DCTN2: variants seen among roughly 807,000 people sequenced by gnomAD.
DCTN2 encodes the protein dynactin subunit 2, also known as 50 kDa dynein-associated polypeptide.
DCTN2 carries 18 observed loss-of-function variants against 55.4 expected under a neutral mutation model. That is an observed-to-expected ratio of 0.32 (90% CI 0.22 to 0.48). DCTN2 has a LOEUF of 0.48. Among genes scored for constraint, DCTN2 ranks in the 20% least tolerant of loss-of-function variants. DCTN2 has a pLI of 0.99. For synonymous variants in DCTN2, 168 were observed against 185.2 expected, an observed-to-expected ratio of 0.91 and a Z score of 0.76; for missense variants, 390 against 491.0, an observed-to-expected ratio of 0.79 and a Z score of 1.94.
intron 1 of DCTN2, 23 bp from the exon 2 acceptor site, chr12:57,546,119 C>T (rs1278325907): frequency 4.3e-6 from 7 of 1,611,642 alleles, no homozygotes; most frequent in East Asian, 2.2e-5. Context: ...GCAGTGACCA[C>T]CCAACCTCAC....
rs370892119 is a variant in DCTN2 at position 57,532,028 on chromosome 12, G to C, written c.1106C>G (p.Thr369Ser). The change falls in exon 13 of 14, where the codon ACC becomes AGC. Residue 369 changes from threonine (T) to serine (S), a missense_variant. Physicochemically the swap from Thr to Ser is moderately conservative, Grantham distance 58. Coordinates refer to ENST00000548249, the MANE Select transcript of DCTN2 (RefSeq NM_001261413.2). ...AGGGGCACACACCTGGGTCAAGAGGGTGGTATTGTCCTTCAAGGAATTAGC... is the reference window on the plus strand; with the variant it reads ...AGGGGCACACACCTGGGTCAAGAGGCTGGTATTGTCCTTCAAGGAATTAGC... ...MIANSLKDNT[T>S]LLTQVQTTMR... is the part of the protein sequence containing the mutation. 1 of 1,562,552 alleles carries C rather than the reference G, an allele frequency of 6.4e-7. No individual in the cohort carries two copies. Among genetic ancestry groups the C allele is most frequent in the African/African-American group, 1.4e-5 (1 of 73,694 alleles).
At chr12:57,541,079 T>C (rs961446280) in intron 2 of DCTN2, among the ~76,000 whole-genome samples, 1 of 152,222 alleles carries the variant, frequency 6.6e-6, no homozygotes, top group Non-Finnish European at 1.5e-5. Context: ...AAATGCCTCA[T>C]GTTCAAAAAC....
Position 57,530,716 on chromosome 12 carries a change from A to C in DCTN2, c.1179T>G (p.Asp393Glu), listed in dbSNP as rs1309259852. The change falls in exon 14 of 14, where the codon GAT becomes GAG. Residue 393 changes from aspartate (D) to glutamate (E), a missense_variant. By Grantham distance (45) the Asp-to-Glu change is conservative. This residue lies in a region of DCTN2 where 273 missense variants were observed against 303.2 expected (regional missense o/e 0.90). Coordinates refer to ENST00000548249, the MANE Select transcript of DCTN2 (RefSeq NM_001261413.2). ...ACTTTCCCAGCTTCTTCATCCGTTC[A>C]TCAATGCTGGCAAAGTTCCCCTCAA... The part of the protein sequence containing the change: ...ATVEGNFASI[D>E]ERMKKLGK The C allele has an allele frequency of 1.2e-6, 2 of 1,613,980 alleles. No individual in the cohort carries two copies. The highest frequency in any genetic ancestry group is 1.7e-5 in the Admixed American group (1 of 60,020).
At chr12:57,535,178 A>G in intron 4 of DCTN2, 24 bp from the exon 5 acceptor site, 1 of 1,570,690 alleles carries the variant, frequency 6.4e-7, no homozygotes, top group Non-Finnish European at 8.7e-7. Flanking sequence ...ACAGAGGGTA[A>G]TGTTATATGT....
chr12:57,541,705 A>G (rs1188311155), intron 2 of DCTN2, among the ~76,000 whole-genome samples: 3 of 152,160 alleles, frequency 2.0e-5, no homozygotes, highest in Non-Finnish European at 4.4e-5. Context: ...AAAAGCCATG[A>G]GCAGAAAGCC....
chr12:57,535,499 A>G lies in DCTN2; in HGVS notation c.249T>C (p.Ser83=). The change falls in exon 4 of 14, where the codon TCT becomes TCC. Residue 83 remains serine, a synonymous_variant. Transcript: ENST00000548249. ...IGKTKRTGYE[S]GEYEMLGEGL... is the part of the protein sequence containing the mutation. The stretch of plus-strand genomic sequence containing the variant: ...CACAACAAACCATCTCATATTCTCC[A>G]GATTCATATCCTGTCCTCTTGGTTT... The G allele has an allele frequency of 6.2e-7, 1 of 1,614,002 alleles. No homozygotes were observed. Among genetic ancestry groups the G allele is most frequent in the South Asian group, 1.1e-5 (1 of 91,082 alleles).
intron 5 of DCTN2, 166 bp from the exon 6 acceptor site, chr12:57,534,618 T>G: frequency 3.3e-6 from 2 of 597,696 alleles, no homozygotes; most frequent in Non-Finnish European, 5.5e-6. Flanking sequence ...GGATGCATAT[T>G]TGTAAACTCT....
At chr12:57,539,068 T>C (rs181351670) in intron 2 of DCTN2, among the ~76,000 whole-genome samples, 292 of 152,348 alleles carry the variant, frequency 1.9e-3, no homozygotes, top group Non-Finnish European at 3.5e-3. Flanking sequence ...GACATTTGGA[T>C]GGCAGAATCA....
chr12:57,533,846 A>G, intron 7 of DCTN2, 107 bp downstream of exon 7: 1 of 1,162,704 alleles, frequency 8.6e-7, no homozygotes, highest in East Asian at 2.5e-5. Context: ...AAGAGGAATC[A>G]GAGGAATCAG....
chr12:57,547,150 G>C lies in DCTN2; in HGVS notation c.-87C>G. 1 of 1,136,092 alleles carries C rather than the reference G, an allele frequency of 8.8e-7. No homozygotes were observed. Among genetic ancestry groups the C allele is most frequent in the African/African-American group, 1.6e-5 (1 of 62,242 alleles). The allele number at this position is 1,136,092 out of a possible 1,614,324, so 70.4% of individuals were successfully genotyped here. On this transcript the variant is annotated 5_prime_UTR_variant, in exon 1 of 14. Transcript: ENST00000548249. ...AGGGGAGAGGCTGGGTTCGGGTCCC[G>C]GGCTAAGGCGGCGGCAAAGGGAGCG...
chr12:57,533,478 CAT>C (rs1490272848), intron 7 of DCTN2, among the ~76,000 whole-genome samples, 175 bp from the exon 8 acceptor site: 6 of 152,086 alleles, frequency 3.9e-5, no homozygotes, highest in African/African-American at 9.7e-5. Context: ...GCGAGGGAAA[CAT>C]AGAGAATGAG....
Position 57,530,607 on chromosome 12 carries a change from A to T in DCTN2, c.*82T>A. The T allele has an allele frequency of 8.2e-7, 1 of 1,222,006 alleles. No individual in the cohort carries two copies. The highest frequency in any genetic ancestry group is 1.2e-6 in the Non-Finnish European group (1 of 848,070). The allele number at this position is 1,222,006 out of a possible 1,614,324, so 75.7% of individuals were successfully genotyped here. A position where few individuals can be genotyped will look rare whatever the true frequency, so the allele number is the denominator to read the frequency against. On this transcript the variant is annotated 3_prime_UTR_variant, in exon 14 of 14. Coordinates refer to ENST00000548249, the MANE Select transcript of DCTN2 (RefSeq NM_001261413.2). ...AATGGGATGGGGATGCTAGAGTTAT[A>T]GTAAAGGGGAAACCCTATGTAAGCT... is the stretch of plus-strand genomic sequence containing the variant.
At chr12:57,545,320 C>T (rs1277148083) in intron 2 of DCTN2, among the ~76,000 whole-genome samples, 4 of 151,970 alleles carry the variant, frequency 2.6e-5, no homozygotes, top group Non-Finnish European at 5.9e-5. Context: ...TATATGTTTC[C>T]TATATGTATC....
At chr12:57,531,944 C>A in intron 13 of DCTN2, 71 bp downstream of exon 13, 1 of 1,549,038 alleles carries the variant, frequency 6.5e-7, no homozygotes, top group Non-Finnish European at 8.7e-7. Context: ...TAAGGCAGAA[C>A]CCTATAACAC....
At chr12:57,544,279 T>C (rs983439011) in intron 2 of DCTN2, 2 of 342,640 alleles carry the variant, frequency 5.8e-6, no homozygotes, top group Non-Finnish European at 1.2e-5. Context: ...GCATAGTAAC[T>C]GCATATAACC....
In DCTN2 at chr12:57,533,013, A is replaced by G; in HGVS notation, c.745T>C (p.Ser249Pro). Residue 249 changes from serine to proline, a missense_variant, in exon 9 of 14, where the codon TCT (serine) becomes CCT (proline). Physicochemically the swap from Ser to Pro is moderately conservative, Grantham distance 74 (BLOSUM62 -1). This residue lies in a region of DCTN2 where 273 missense variants were observed against 303.2 expected (regional missense o/e 0.90). Coordinates refer to ENST00000548249, the MANE Select transcript of DCTN2 (RefSeq NM_001261413.2). ...RCDQDAQNPL[S>P]AGLQGACLME... ...AGACAGGCTCCCTGTAGACCTGCAG[A>G]AAGGGGATTCTGGTGGGAAAGGAAG... 1 of 1,601,624 alleles carries G rather than the reference A, an allele frequency of 6.2e-7. No homozygotes were observed.
At chr12:57,534,172 T>C (rs763802174) in intron 6 of DCTN2, 75 bp from the exon 7 acceptor site, 592 of 1,529,216 alleles carry the variant, frequency 3.9e-4, no homozygotes, top group Non-Finnish European at 5.0e-4. Flanking sequence ...TTTTGCCTCA[T>C]AATCAGCATT....
intron 3 of DCTN2, 50 bp from the exon 4 acceptor site, chr12:57,535,595 G>T: frequency 6.2e-7 from 1 of 1,601,494 alleles, no homozygotes; most frequent in Non-Finnish European, 8.6e-7. Flanking sequence ...GCCCAAGGCA[G>T]TCATGGTCTC....
intron 2 of DCTN2, among the ~76,000 whole-genome samples, chr12:57,539,323 G>A (rs1308315598): frequency 6.6e-6 from 1 of 152,232 alleles, no homozygotes; most frequent in East Asian, 1.9e-4. Flanking sequence ...GAGCAATTCT[G>A]CCATGATGTA....
Sources: allele counts gnomAD v4.1 joint callset (sites outside exome capture counted in the v4.1 genomes callset), GRCh38; gene constraint gnomAD v4.1.1; regional missense constraint gnomAD v4.1.1; transcripts MANE v1.5; gene names NCBI Gene and HGNC (gene_info 2026-07-23, HGNC 2026-07-21).